Variants in CHST11 observed in about 807,000 individuals in gnomAD.
The protein encoded by CHST11 is C4S-1.
A neutral mutation model predicts 30.4 loss-of-function variants in CHST11; 9 were observed. The observed-to-expected ratio is 0.30, with a 90% CI of 0.18 to 0.52. The LOEUF is 0.52. CHST11 is among the 20% of genes least tolerant of loss of function. CHST11 has a pLI of 0.97. For synonymous variants in CHST11, 152 were observed against 187.8 expected (o/e 0.81, Z 1.56); for missense variants, 348 against 460.6 (o/e 0.76, Z 2.24).
At chr12:104,671,727 A>C (rs1254945226) in intron 2 of CHST11, among the ~76,000 whole-genome samples, 1 of 151,854 alleles carries the variant, frequency 6.6e-6, no homozygotes, top group Non-Finnish European at 1.5e-5. Flanking sequence ...CATTTTACCC[A>C]ATCTCTATCT....
chr12:104,478,459 C>T (rs945739655), intron 1 of CHST11, among the ~76,000 whole-genome samples: 1 of 152,164 alleles, frequency 6.6e-6, no homozygotes, highest in African/African-American at 2.4e-5. Context: ...CTCCACTGAC[C>T]CCTTCCCCAT....
At chr12:104,619,190 G>A (rs556905494) in intron 2 of CHST11, among the ~76,000 whole-genome samples, 5 of 152,304 alleles carry the variant, frequency 3.3e-5, no homozygotes, top group South Asian at 2.1e-4. Context: ...GCCCACCTGC[G>A]CCTGTGCCGG....
intron 1 of CHST11, among the ~76,000 whole-genome samples, chr12:104,464,015 AAT>A (rs2037434562): frequency 6.6e-6 from 1 of 151,838 alleles, no homozygotes; most frequent in Admixed American, 6.6e-5. Context: ...GGAGGCAAGG[AAT>A]AAGGGTGGAA....
intron 1 of CHST11, among the ~76,000 whole-genome samples, chr12:104,590,110 C>A (rs1162440405): frequency 6.6e-6 from 1 of 152,202 alleles, no homozygotes; most frequent in Non-Finnish European, 1.5e-5. Flanking sequence ...GTACCTACAC[C>A]CAGGCCCCTG....
Position 104,598,232 on chromosome 12 carries a change from AT to A in CHST11, c.119-3671del, listed in dbSNP as rs2038925351. On this transcript the variant is annotated intron_variant, in intron 1 of 2. Coordinates refer to ENST00000303694, the MANE Select transcript of CHST11 (RefSeq NM_018413.6). ...AACAGAGTAGGTCCTCATTGTTACC[AT>A]TTACATATGACTAGCCCAGAAGTCA... Among the ~76,000 whole-genome samples the A allele has an allele frequency of 3.3e-5, 5 of 152,136 alleles. No homozygotes were observed. In the South Asian group the frequency reaches 1.0e-3, roughly 31 times the overall value.
At chr12:104,698,707 A>G (rs2039968939) in intron 2 of CHST11, among the ~76,000 whole-genome samples, 1 of 152,234 alleles carries the variant, frequency 6.6e-6, no homozygotes, top group Non-Finnish European at 1.5e-5. Flanking sequence ...CTGCTGAGCA[A>G]ATTACTGGAG....
At chr12:104,562,226 T>C (rs1219161338) in intron 1 of CHST11, among the ~76,000 whole-genome samples, 3 of 152,094 alleles carry the variant, frequency 2.0e-5, no homozygotes, top group African/African-American at 7.2e-5. Context: ...AGGAGCCTGC[T>C]CATGCTGGTA....
chr12:104,494,401 G>A (rs1230670197), intron 1 of CHST11, among the ~76,000 whole-genome samples: 3 of 152,206 alleles, frequency 2.0e-5, no homozygotes, highest in African/African-American at 7.2e-5. Context: ...TTATTTGAAT[G>A]TCTCAGTGAT....
intron 1 of CHST11, among the ~76,000 whole-genome samples, chr12:104,558,543 C>G (rs1177982576): frequency 1.2e-5 from 1 of 85,932 alleles, no homozygotes. Context: ...GAAATTCCCC[C>G]CCCCGCCCCC....
At chr12:104,616,095 C>T (rs117398439) in intron 2 of CHST11, among the ~76,000 whole-genome samples, 3,160 of 152,224 alleles carry the variant, frequency 0.021, 42 homozygotes, top group Middle Eastern at 0.062. Context: ...CAGAGAGGAG[C>T]AAATGGTCCC....
chr12:104,709,761 G>T (rs1240668724), intron 2 of CHST11, among the ~76,000 whole-genome samples: 1 of 152,220 alleles, frequency 6.6e-6, no homozygotes, highest in Non-Finnish European at 1.5e-5. Flanking sequence ...GGGGTAGGGG[G>T]ATGGGGACAG....
chr12:104,652,837 T>A (rs574653125), intron 2 of CHST11, among the ~76,000 whole-genome samples: 1 of 152,204 alleles, frequency 6.6e-6, no homozygotes, highest in Admixed American at 6.5e-5. Context: ...CAGGACAGTC[T>A]CATCCTGGCC....
intron 2 of CHST11, among the ~76,000 whole-genome samples, chr12:104,753,123 G>A (rs796169101): frequency 5.9e-5 from 9 of 152,288 alleles, no homozygotes; most frequent in African/African-American, 2.2e-4. Flanking sequence ...GAGGCACCTT[G>A]GGCAGTCACT....
intron 2 of CHST11, among the ~76,000 whole-genome samples, chr12:104,655,027 T>C (rs926415394): frequency 3.9e-5 from 6 of 152,364 alleles, no homozygotes; most frequent in African/African-American, 1.2e-4. Context: ...GCTGTTTGCA[T>C]GTGTGTCTTG....
chr12:104,613,105 G>T (rs1238760995), intron 2 of CHST11, among the ~76,000 whole-genome samples: 1 of 151,864 alleles, frequency 6.6e-6, no homozygotes, highest in African/African-American at 2.4e-5. Context: ...CGTGCCTGTA[G>T]CCCCAGGTAC....
At chr12:104,701,554 A>G (rs571600521) in intron 2 of CHST11, among the ~76,000 whole-genome samples, 1 of 152,208 alleles carries the variant, frequency 6.6e-6, no homozygotes, top group Non-Finnish European at 1.5e-5. Flanking sequence ...GCTCCCTGTC[A>G]CTGCAGGAGT....
chr12:104,653,000 A>G (rs979030675), intron 2 of CHST11, among the ~76,000 whole-genome samples: 1 of 152,178 alleles, frequency 6.6e-6, no homozygotes, highest in African/African-American at 2.4e-5. Flanking sequence ...AATTGTAAAA[A>G]ACACATAACC....
chr12:104,496,763 T>C (rs1018752040), intron 1 of CHST11, among the ~76,000 whole-genome samples: 4 of 151,824 alleles, frequency 2.6e-5, no homozygotes, highest in Middle Eastern at 3.4e-3. Context: ...AAAGAAAATA[T>C]GAGATGTTGT....
At chr12:104,704,259 C>T (rs949836918) in intron 2 of CHST11, among the ~76,000 whole-genome samples, 3 of 152,230 alleles carry the variant, frequency 2.0e-5, no homozygotes, top group Non-Finnish European at 4.4e-5. Context: ...TGGGGCCTAA[C>T]CCTTGCCTTC....
Sources: allele counts gnomAD v4.1 joint callset (sites outside exome capture counted in the v4.1 genomes callset), GRCh38; gene constraint gnomAD v4.1.1; transcripts MANE v1.5; gene names NCBI Gene and HGNC (gene_info 2026-07-23, HGNC 2026-07-21).